The following HUWE1 variants were observed in gnomAD, a reference collection of about 807,000 sequenced individuals.
HUWE1 encodes the protein HECT, UBA and WWE domain containing E3 ubiquitin protein ligase 1, also known as E3 ubiquitin-protein ligase HUWE1.
HUWE1 carries 18 observed loss-of-function variants against 299.4 expected under a neutral mutation model. The ratio of observed to expected loss-of-function variants is 0.06; its 90% CI spans 0.04 to 0.09. The LOEUF is 0.09. HUWE1 is among the 10% of genes least tolerant of loss of function. The pLI is 1.00. For missense variants in HUWE1, 1,832 were observed against 3,462.3 expected, an observed-to-expected ratio of 0.53 and a Z score of 11.82; for synonymous variants, 1,317 against 1,286.1, an observed-to-expected ratio of 1.02 and a Z score of -0.51.
rs149262599 is a variant in HUWE1 at position 53,551,596 on chromosome X, T to A, written c.8882-116A>T. The A allele has an allele frequency of 3.0e-3, 1,951 of 660,873 alleles. 35 individuals carry two copies. The African/African-American group carries it at 0.038, about 13-fold the overall frequency. The allele number at this position is 660,873 out of a possible 1,213,427, so 54.5% of individuals were successfully genotyped here. Reference sequence around the variant, plus strand: ...GTGCAACCCTTGCCTCACTGCAGTGTTGAGCTCCTGGGCTCGAGTCTTCCT... The same window carrying A: ...GTGCAACCCTTGCCTCACTGCAGTGATGAGCTCCTGGGCTCGAGTCTTCCT... On this transcript the variant is annotated intron_variant, in intron 63 of 83. Coordinates refer to ENST00000262854, the MANE Select transcript of HUWE1 (RefSeq NM_031407.7).
At chrX:53,630,786 T>C in intron 12 of HUWE1, 149 bp downstream of exon 12, 8 of 466,362 alleles carry the variant, frequency 1.7e-5, no homozygotes, top group Non-Finnish European at 2.7e-5. Context: ...AATGAATAAA[T>C]ACAGTGAACA....
intron 12 of HUWE1, 118 bp downstream of exon 12, chrX:53,630,809 GAAGTATTT>G: frequency 2.0e-6 from 1 of 497,826 alleles, no homozygotes; most frequent in Non-Finnish European, 3.6e-6. Flanking sequence ...GGGAGGGGTG[GAAGTATTT>G]AAGTTGCTAC....
At chrX:53,541,052 T>C (rs1556918120) in intron 74 of HUWE1, among the ~76,000 whole-genome samples, 11 of 112,138 alleles carry the variant, frequency 9.8e-5, no homozygotes. Context: ...ACAATGGTTG[T>C]CCTACAAGAA....
At chrX:53,646,780 AC>A (rs1181968165) in intron 6 of HUWE1, among the ~76,000 whole-genome samples, 2 of 112,193 alleles carry the variant, frequency 1.8e-5, no homozygotes, top group Admixed American at 1.9e-4. Flanking sequence ...TTAACAGGGC[AC>A]CTAACTAATG....
chrX:53,660,519 A>AT (rs1239109374), intron 3 of HUWE1, among the ~76,000 whole-genome samples: 2 of 112,275 alleles, frequency 1.8e-5, no homozygotes, highest in African/African-American at 6.5e-5. Context: ...TTGTGTTCTC[A>AT]TATTTCTAAA....
chrX:53,647,535 C>T lies in HUWE1; in HGVS notation c.184G>A (p.Asp62Asn), dbSNP rs782519587. ...YHWVDLLDRF[D>N]GILADAGQTV... ...TGTCCAGCATCTGCCAGTATTCCATCGAAGCGGTCCAACAGGTCCACCCAG... is the reference window on the plus strand; with the variant it reads ...TGTCCAGCATCTGCCAGTATTCCATTGAAGCGGTCCAACAGGTCCACCCAG... The change falls in exon 6 of 84, where the codon GAT (aspartate) becomes AAT (asparagine). Residue 62 changes from aspartate (D) to asparagine (N), a missense_variant. Asp to Asn is a conservative substitution (Grantham distance 23). Transcript: ENST00000262854. 3 of 1,208,808 alleles carry T rather than the reference C, an allele frequency of 2.5e-6. No individual in the cohort carries two copies. The highest frequency in any genetic ancestry group is 3.0e-5 in the East Asian group (1 of 33,835).
chrX:53,621,409 A>T (rs146356547), intron 19 of HUWE1, among the ~76,000 whole-genome samples: 1 of 108,852 alleles, frequency 9.2e-6, no homozygotes, highest in Admixed American at 1.0e-4. Context: ...AATTATTCTA[A>T]AACTCTTGTA....
chrX:53,683,845 T>TGGGGGGGGGGGGGGGGGGGG, intron 2 of HUWE1: 2 of 191,734 alleles, frequency 1.0e-5, no homozygotes, highest in Non-Finnish European at 9.6e-6. Flanking sequence ...CCCTAGTCAC[T>TGGGGGGGGGGGGGGGGGGGG]GCCCCCCCAC....
At chrX:53,583,509 A>G in intron 42 of HUWE1, 49 bp downstream of exon 42, 1 of 877,434 alleles carries the variant, frequency 1.1e-6, no homozygotes. Context: ...CAAGGAGAAC[A>G]TAGGTATGAT....
chrX:53,645,362 C>G lies in HUWE1; in HGVS notation c.453G>C (p.Leu151=). 1 of 1,210,590 alleles carries G rather than the reference C, an allele frequency of 8.3e-7. No individual in the cohort carries two copies. The highest frequency in any genetic ancestry group is 1.1e-6 in the Non-Finnish European group (1 of 895,078). Reference sequence around the variant, plus strand: ...GCAGCGGGGTCCTCTTGTCAGATCCCAGACGAGTGATGTAGTTTGATCTTT... The same window carrying G: ...GCAGCGGGGTCCTCTTGTCAGATCCGAGACGAGTGATGTAGTTTGATCTTT... The part of the protein sequence containing the change: ...FSKRSNYITR[L]GSDKRTPLLT... Residue 151 remains leucine, a synonymous_variant, in exon 7 of 84, where the codon CTG becomes CTC. Coordinates refer to ENST00000262854, the MANE Select transcript of HUWE1 (RefSeq NM_031407.7).
chrX:53,648,550 C>A lies in HUWE1; in HGVS notation c.46-240G>T, dbSNP rs12387306. Among the ~76,000 whole-genome samples the A allele has an allele frequency of 0.14, 13,404 of 95,756 alleles. 3,123 individuals are homozygous for A. Among genetic ancestry groups the A allele is most frequent in the African/African-American group, 0.55 (12,412 of 22,598 alleles). 83.2% of individuals were successfully genotyped at this position (95,756 alleles called of 115,157 possible). A position where few individuals can be genotyped will look rare whatever the true frequency, so the allele number is the denominator to read the frequency against. On this transcript the variant is annotated intron_variant, in intron 4 of 83. Coordinates refer to ENST00000262854, the MANE Select transcript of HUWE1 (RefSeq NM_031407.7). ...AAAAACAAAAAAAAACAAAAAAAAA[C>A]AAAAAACAAAACAAAAACCCACCTT...
In HUWE1 at chrX:53,647,400, T is replaced by A; in HGVS notation, c.319A>T (p.Ser107Cys). The A allele has an allele frequency of 8.3e-7, 1 of 1,210,410 alleles. No individual in the cohort carries two copies. The highest frequency in any genetic ancestry group is 1.1e-6 in the Non-Finnish European group (1 of 894,197). ...GAACTGTACAGATGCCGGGAAAAGCTGTACTCAATGAGCAAGGCTGTGAAG... is the reference window on the plus strand; with the variant it reads ...GAACTGTACAGATGCCGGGAAAAGCAGTACTCAATGAGCAAGGCTGTGAAG... ...LNFTALLIEY[S>C]FSRHLYSSIE... Residue 107 changes from serine to cysteine, a missense_variant, in exon 6 of 84, where the codon AGC becomes TGC. Ser to Cys is a moderately radical substitution (Grantham distance 112, BLOSUM62 -1). Coordinates refer to ENST00000262854, the MANE Select transcript of HUWE1 (RefSeq NM_031407.7).
intron 3 of HUWE1, among the ~76,000 whole-genome samples, chrX:53,671,438 G>A (rs2069523297): frequency 8.9e-6 from 1 of 111,808 alleles, no homozygotes; most frequent in South Asian, 3.7e-4. Context: ...GGAAAAGTGT[G>A]AACACAGCAA....
chrX:53,584,362 A>G lies in HUWE1; in HGVS notation c.5002-17T>C. On this transcript the variant is annotated splice_polypyrimidine_tract_variant and intron_variant, in intron 40 of 83. Coordinates refer to ENST00000262854, the MANE Select transcript of HUWE1 (RefSeq NM_031407.7). ...CTCATTAACCTAGGAATTCAAACAG[A>G]CATTAAAAAAACCTCTACCAAAAAT... 2.5e-6 allele frequency: 3 copies of G among 1,190,611 alleles called. No homozygotes were observed. The highest frequency in any genetic ancestry group is 3.4e-6 in the Non-Finnish European group (3 of 877,612).
chrX:53,568,352 C>T (rs1955665371), intron 49 of HUWE1, among the ~76,000 whole-genome samples: 1 of 110,846 alleles, frequency 9.0e-6, no homozygotes, highest in South Asian at 3.9e-4. Context: ...GAATAATAAA[C>T]CAATAAGGTA....
intron 17 of HUWE1, among the ~76,000 whole-genome samples, chrX:53,626,382 C>T (rs1557017791): frequency 9.1e-6 from 1 of 110,064 alleles, no homozygotes; most frequent in African/African-American, 3.3e-5. Flanking sequence ...ATAGGTACAG[C>T]TTTTCAAAAG....
chrX:53,642,655 A>T lies in HUWE1; in HGVS notation c.504+2656T>A, dbSNP rs1343585798. Among the ~76,000 whole-genome samples, 7 of 112,326 alleles carry T rather than the reference A, an allele frequency of 6.2e-5. No homozygotes were observed. In the East Asian group the frequency reaches 1.9e-3, roughly 31 times the overall value. ...CCCATTGCTTCACATACCTGCCAGG[A>T]CTTACCATTATATAGTTTTCTAATT... On this transcript the variant is annotated intron_variant, in intron 7 of 83. Transcript: ENST00000262854.
intron 59 of HUWE1, among the ~76,000 whole-genome samples, chrX:53,558,173 T>C (rs2062115777): frequency 1.8e-5 from 2 of 112,019 alleles, no homozygotes; most frequent in Non-Finnish European, 1.9e-5. Context: ...TTTATACATG[T>C]GAGCCCTAGA....
intron 28 of HUWE1, 77 bp downstream of exon 28, chrX:53,602,487 A>T (rs946880267): frequency 4.7e-5 from 29 of 613,898 alleles, no homozygotes; most frequent in Non-Finnish European, 7.2e-5. Flanking sequence ...CTAACTAAAA[A>T]TTTTCATAAT....
Sources: allele counts gnomAD v4.1 joint callset (sites outside exome capture counted in the v4.1 genomes callset), GRCh38; gene constraint gnomAD v4.1.1; transcripts MANE v1.5; gene names NCBI Gene and HGNC (gene_info 2026-07-23, HGNC 2026-07-21).